USP10: variants seen among roughly 807,000 people sequenced by gnomAD.
USP10 encodes ubiquitin carboxyl-terminal hydrolase 10.
Under a neutral mutation model 84.5 loss-of-function variants are expected in USP10, and 22 were observed. The ratio of observed to expected loss-of-function variants is 0.26; its 90% CI spans 0.19 to 0.37. The LOEUF (loss-of-function observed/expected upper bound fraction) is 0.37. Ranked by LOEUF, USP10 falls within the 10% of genes least tolerant of loss-of-function variation. The pLI, the probability that USP10 is intolerant of heterozygous loss-of-function variation, is 1.00. For missense variants in USP10, 1,019 were observed against 998.9 expected, an observed-to-expected ratio of 1.02 and a Z score of -0.27; for synonymous variants, 454 against 387.6, an observed-to-expected ratio of 1.17 and a Z score of -2.01.
intron 11 of USP10, among the ~76,000 whole-genome samples, chr16:84,772,051 T>C (rs1914509177): frequency 6.6e-6 from 1 of 152,154 alleles, no homozygotes; most frequent in Non-Finnish European, 1.5e-5. Flanking sequence ...ATTTTTCTTC[T>C]TCTTTTTTCT....
chr16:84,747,415 T>C (rs1911359069), intron 4 of USP10, among the ~76,000 whole-genome samples: 1 of 152,196 alleles, frequency 6.6e-6, no homozygotes, highest in African/African-American at 2.4e-5. Context: ...AATGTATATA[T>C]ATTTTTAAGA....
At chr16:84,753,380 A>G (rs1912158558) in intron 4 of USP10, among the ~76,000 whole-genome samples, 1 of 152,224 alleles carries the variant, frequency 6.6e-6, no homozygotes, top group African/African-American at 2.4e-5. Context: ...AGACTCTCAC[A>G]TAAATTCATT....
At chr16:84,728,698 A>G (rs1244833149) in intron 1 of USP10, among the ~76,000 whole-genome samples, 1 of 152,118 alleles carries the variant, frequency 6.6e-6, no homozygotes, top group African/African-American at 2.4e-5. Context: ...CTGAATAAGT[A>G]TTTGGCCATT....
chr16:84,753,133 A>AT (rs1912126450), intron 4 of USP10, among the ~76,000 whole-genome samples: 1 of 151,846 alleles, frequency 6.6e-6, no homozygotes, highest in African/African-American at 2.4e-5. Context: ...TGTACAGCTA[A>AT]TTTTTTTATT....
intron 4 of USP10, among the ~76,000 whole-genome samples, chr16:84,749,241 T>TC (rs1567628168): frequency 6.6e-6 from 1 of 152,208 alleles, no homozygotes; most frequent in African/African-American, 2.4e-5. Context: ...ACAAGTCAGA[T>TC]CCACTACCAC....
rs745559524 is a variant in USP10 at position 84,733,543 on chromosome 16, A to G, written c.90+40A>G. 3 of 1,375,084 alleles carry G rather than the reference A, an allele frequency of 2.2e-6. No individual in the cohort carries two copies. The Admixed American group carries it at 6.2e-5, about 28-fold the overall frequency. The allele number at this position is 1,375,084 out of a possible 1,614,324, so 85.2% of individuals were successfully genotyped here. ...TGTTTTAGTGAGTCCGTGGGTAGATACAATTAATAGTTATGTTTCTATTTT... is the reference window on the plus strand; with the variant it reads ...TGTTTTAGTGAGTCCGTGGGTAGATGCAATTAATAGTTATGTTTCTATTTT... On this transcript the variant is annotated intron_variant, in intron 2 of 13. Transcript: ENST00000219473.
chr16:84,779,803 C>A lies in USP10; in HGVS notation c.*721C>A, dbSNP rs1915376763. ...TAATGAAGATCTCTCCTTCAGTCTGCTCTGTTTAATTCTGCTGTCTGCTCT... is the reference window on the plus strand; with the variant it reads ...TAATGAAGATCTCTCCTTCAGTCTGATCTGTTTAATTCTGCTGTCTGCTCT... On this transcript the variant is annotated 3_prime_UTR_variant, in exon 14 of 14. Coordinates refer to ENST00000219473, the MANE Select transcript of USP10 (RefSeq NM_005153.3). 1 of 152,558 alleles carries A rather than the reference C, an allele frequency of 6.6e-6. No homozygotes were observed. 9.5% of individuals were successfully genotyped at this position (152,558 alleles called of 1,614,324 possible). A position where few individuals can be genotyped will look rare whatever the true frequency, so the allele number is the denominator to read the frequency against.
chr16:84,741,580 C>A (rs939807835), intron 3 of USP10, among the ~76,000 whole-genome samples: 1 of 152,202 alleles, frequency 6.6e-6, no homozygotes, highest in African/African-American at 2.4e-5. Flanking sequence ...AGTTCTGCTT[C>A]CCCCTCCCTC....
intron 4 of USP10, among the ~76,000 whole-genome samples, chr16:84,746,701 G>C (rs1397897241): frequency 6.6e-6 from 1 of 152,196 alleles, no homozygotes; most frequent in Non-Finnish European, 1.5e-5. Context: ...GCCCAGGACA[G>C]TACTGAGCAA....
intron 1 of USP10, among the ~76,000 whole-genome samples, chr16:84,722,938 A>G (rs1354121211): frequency 1.3e-5 from 2 of 152,210 alleles, no homozygotes; most frequent in African/African-American, 4.8e-5. Context: ...TTGACAGCAA[A>G]GTGAAACTGA....
chr16:84,770,555 G>A (rs966911505), intron 11 of USP10, among the ~76,000 whole-genome samples: 26 of 151,966 alleles, frequency 1.7e-4, no homozygotes, highest in Non-Finnish European at 3.1e-4. Context: ...GGTGGATCAC[G>A]AGGTCAGGAG....
chr16:84,759,173 C>T (rs1567638116), intron 5 of USP10, 190 bp from the exon 6 acceptor site: 1 of 620,926 alleles, frequency 1.6e-6, no homozygotes, highest in South Asian at 1.9e-5. Context: ...TTCGTAGATC[C>T]TTATATGGAC....
At chr16:84,736,540 A>G (rs1909957512) in intron 2 of USP10, among the ~76,000 whole-genome samples, 1 of 152,206 alleles carries the variant, frequency 6.6e-6, no homozygotes, top group African/African-American at 2.4e-5. Flanking sequence ...CCAGTGGAAA[A>G]AATGCAGTCA....
At chr16:84,746,332 T>C (rs1054270653) in intron 4 of USP10, among the ~76,000 whole-genome samples, 5 of 152,228 alleles carry the variant, frequency 3.3e-5, no homozygotes, top group African/African-American at 9.6e-5. Context: ...GAAAGAGGTA[T>C]GTGTCCTCAC....
chr16:84,748,229 A>G (rs1439117056), intron 4 of USP10, among the ~76,000 whole-genome samples: 1 of 151,440 alleles, frequency 6.6e-6, no homozygotes, highest in Non-Finnish European at 1.5e-5. Flanking sequence ...GTTTATTTTT[A>G]ACCTATAATG....
At chr16:84,703,082 A>C (rs1431301292) in intron 1 of USP10, among the ~76,000 whole-genome samples, 2 of 152,042 alleles carry the variant, frequency 1.3e-5, no homozygotes, top group African/African-American at 2.4e-5. Context: ...AAATATTAGA[A>C]AGTGTTGGTT....
chr16:84,738,920 C>T (rs947554676), intron 2 of USP10, among the ~76,000 whole-genome samples: 6 of 152,220 alleles, frequency 3.9e-5, no homozygotes, highest in African/African-American at 1.4e-4. Context: ...CTTTGCGGCC[C>T]TAGGGCCGTT....
intron 9 of USP10, 117 bp downstream of exon 9, chr16:84,763,205 T>G: frequency 3.6e-6 from 2 of 561,348 alleles, no homozygotes; most frequent in Admixed American, 5.6e-5. Context: ...CAAATAGCAT[T>G]TATTCCCTAC....
chr16:84,700,519 G>C (rs964106841), intron 1 of USP10, among the ~76,000 whole-genome samples: 66 of 152,282 alleles, frequency 4.3e-4, no homozygotes, highest in African/African-American at 1.5e-3. Flanking sequence ...GAGCAGCTCA[G>C]GTTGCTGCCT....
Sources: gnomAD v4.1 joint callset for allele counts (sites outside exome capture counted in the v4.1 genomes callset) on GRCh38, gnomAD v4.1.1 for gene constraint, MANE v1.5 for transcripts, NCBI Gene and HGNC (gene_info 2026-07-23, HGNC 2026-07-21) for gene names.